The following CDKAL1 variants were observed in gnomAD, a reference collection of about 807,000 sequenced individuals.
The protein encoded by CDKAL1 is threonylcarbamoyladenosine tRNA methylthiotransferase.
CDKAL1 carries 32 observed loss-of-function variants against 68.2 expected under a neutral mutation model. That is an observed-to-expected ratio of 0.47 (90% CI 0.35 to 0.63). The LOEUF (loss-of-function observed/expected upper bound fraction) is 0.63. Ranked by LOEUF, CDKAL1 falls within the 30% of genes least tolerant of loss-of-function variation. CDKAL1 has a pLI of 0.00. For synonymous variants in CDKAL1, 234 were observed against 244.3 expected (o/e 0.96, Z 0.39); for missense variants, 606 against 696.7 (o/e 0.87, Z 1.47).
At chr6:21,048,541 A>T (rs1449455950) in intron 11 of CDKAL1, among the ~76,000 whole-genome samples, 1 of 151,998 alleles carries the variant, frequency 6.6e-6, no homozygotes, top group Non-Finnish European at 1.5e-5. Flanking sequence ...ATATATCCCT[A>T]TTCAGTATTA....
intron 5 of CDKAL1, among the ~76,000 whole-genome samples, chr6:20,733,745 A>T (rs1465682764): frequency 6.6e-6 from 1 of 152,192 alleles, no homozygotes; most frequent in Non-Finnish European, 1.5e-5. Context: ...AAACTGTGGG[A>T]CTTTAGGCCT....
chr6:21,018,884 G>A (rs1768480875), intron 11 of CDKAL1, among the ~76,000 whole-genome samples: 1 of 152,058 alleles, frequency 6.6e-6, no homozygotes, highest in Non-Finnish European at 1.5e-5. Context: ...TGGTAAAAGG[G>A]AAGATATACA....
intron 8 of CDKAL1, among the ~76,000 whole-genome samples, chr6:20,787,497 T>C (rs1275588917): frequency 1.3e-5 from 2 of 152,218 alleles, no homozygotes; most frequent in Non-Finnish European, 2.9e-5. Context: ...AACCAGAATT[T>C]AGTAAGCAAG....
At chr6:21,057,638 C>G (rs1042196803) in intron 11 of CDKAL1, among the ~76,000 whole-genome samples, 12 of 151,536 alleles carry the variant, frequency 7.9e-5, no homozygotes, top group African/African-American at 2.9e-4. Flanking sequence ...ATCTTTCTAG[C>G]TTTTTGATCT....
chr6:21,141,628 C>T (rs1196113075), intron 13 of CDKAL1, among the ~76,000 whole-genome samples: 1 of 152,142 alleles, frequency 6.6e-6, no homozygotes, highest in African/African-American at 2.4e-5. Flanking sequence ...AACTTTATGC[C>T]AAGGAAGAGT....
chr6:21,147,040 A>C (rs1312995794), intron 13 of CDKAL1, among the ~76,000 whole-genome samples: 1 of 152,072 alleles, frequency 6.6e-6, no homozygotes, highest in East Asian at 1.9e-4. Context: ...GGACGCCACG[A>C]CCAAAGGCTT....
Position 20,914,329 on chromosome 6 carries a change from G to A in CDKAL1, c.743-41090G>A, listed in dbSNP as rs138150404. Among the ~76,000 whole-genome samples the A allele has an allele frequency of 5.3e-3, 805 of 152,000 alleles. 13 individuals are homozygous for A. The highest frequency in any genetic ancestry group is 0.047 in the South Asian group (226 of 4,802). On this transcript the variant is annotated intron_variant, in intron 9 of 15. Coordinates refer to ENST00000274695, the MANE Select transcript of CDKAL1 (RefSeq NM_017774.3). ...AATAACCAAAGTTTATGTTATACCC[G>A]CATGCCATTTTCTCAGAAAGGTCTT...
intron 8 of CDKAL1, among the ~76,000 whole-genome samples, chr6:20,824,995 T>C (rs1422762783): frequency 5.9e-5 from 9 of 152,314 alleles, no homozygotes; most frequent in Non-Finnish European, 2.9e-5. Flanking sequence ...TGGTAGTTCA[T>C]GTTAAAGTTT....
chr6:20,880,170 G>A (rs1358245032), intron 9 of CDKAL1, among the ~76,000 whole-genome samples: 1 of 152,194 alleles, frequency 6.6e-6, no homozygotes, highest in Non-Finnish European at 1.5e-5. Flanking sequence ...ACAGGCTTCG[G>A]AATGCTTAGA....
chr6:20,613,036 CACACACACAA>C (rs1205689507), intron 4 of CDKAL1, among the ~76,000 whole-genome samples: 26 of 114,704 alleles, frequency 2.3e-4, no homozygotes, highest in African/African-American at 8.1e-4. Flanking sequence ...CACACACACA[CACACACACAA>C]AGGGTATGGA....
intron 9 of CDKAL1, among the ~76,000 whole-genome samples, chr6:20,891,212 A>C (rs1761375241): frequency 6.6e-6 from 1 of 152,160 alleles, no homozygotes; most frequent in African/African-American, 2.4e-5. Context: ...TTTTTCTACA[A>C]GGCAGTAATG....
At chr6:20,584,890 C>G (rs6925593) in intron 4 of CDKAL1, among the ~76,000 whole-genome samples, 42,417 of 151,964 alleles carry the variant, frequency 0.28, 6,089 homozygotes, top group Middle Eastern at 0.36. Flanking sequence ...ATAACGTGCT[C>G]TCATCTGAGG....
intron 4 of CDKAL1, among the ~76,000 whole-genome samples, chr6:20,624,029 A>G (rs1470302106): frequency 5.3e-5 from 8 of 152,046 alleles, no homozygotes; most frequent in African/African-American, 1.9e-4. Flanking sequence ...TTTATTATTT[A>G]TGTGTTTTCT....
chr6:21,069,774 CTTTT>C (rs60241965), intron 12 of CDKAL1, among the ~76,000 whole-genome samples: 20 of 69,918 alleles, frequency 2.9e-4, no homozygotes, highest in South Asian at 5.1e-4. Flanking sequence ...GATTTTCTTT[CTTTT>C]TTTTTTTTTT....
At chr6:20,649,135 A>G (rs1768626213) in intron 4 of CDKAL1, among the ~76,000 whole-genome samples, 158 bp from the exon 5 acceptor site, 1 of 152,198 alleles carries the variant, frequency 6.6e-6, no homozygotes, top group Admixed American at 6.5e-5. Context: ...GTTCACAAAT[A>G]TTTCCATGTT....
At chr6:20,933,789 G>T (rs1352388019) in intron 9 of CDKAL1, among the ~76,000 whole-genome samples, 1 of 152,062 alleles carries the variant, frequency 6.6e-6, no homozygotes, top group Non-Finnish European at 1.5e-5. Context: ...AGAATATTTG[G>T]TACATTTCTT....
chr6:20,683,436 T>C (rs16884103), intron 5 of CDKAL1, among the ~76,000 whole-genome samples: 2,277 of 152,348 alleles, frequency 0.015, 47 homozygotes, highest in African/African-American at 0.052. Flanking sequence ...GTCTTGGCTT[T>C]ACTTATATTG....
At chr6:20,832,740 G>A (rs1488285628) in intron 8 of CDKAL1, among the ~76,000 whole-genome samples, 1 of 152,078 alleles carries the variant, frequency 6.6e-6, no homozygotes, top group African/African-American at 2.4e-5. Context: ...AGTTCTTATT[G>A]CCTTTAATAG....
At chr6:21,087,055 C>T (rs115550123) in intron 12 of CDKAL1, among the ~76,000 whole-genome samples, 1,611 of 152,262 alleles carry the variant, frequency 0.011, 24 homozygotes, top group African/African-American at 0.037. Context: ...TATGTATCCA[C>T]CCTTCCATTA....
Sources: allele counts gnomAD v4.1 joint callset (sites outside exome capture counted in the v4.1 genomes callset), GRCh38; gene constraint gnomAD v4.1.1; transcripts MANE v1.5; gene names NCBI Gene and HGNC (gene_info 2026-07-23, HGNC 2026-07-21).